Variants in PTPN4 observed in about 807,000 individuals in gnomAD.
The protein encoded by PTPN4 is protein tyrosine phosphatase non-receptor type 4.
PTPN4 carries 49 observed loss-of-function variants against 135.5 expected under a neutral mutation model. That is an observed-to-expected ratio of 0.36 (90% confidence interval 0.29 to 0.46). The LOEUF (loss-of-function observed/expected upper bound fraction) is 0.46, where lower values mean the gene tolerates loss of function less well. PTPN4 is among the 20% of genes least tolerant of loss of function. The pLI, the probability that PTPN4 is intolerant of heterozygous loss-of-function variation, is 1.00. For missense variants in PTPN4, 860 were observed against 1,101.0 expected (o/e 0.78, Z 3.10); for synonymous variants, 333 against 369.9 (o/e 0.90, Z 1.14).
At chr2:119,923,987 A>T (rs1003633099) in intron 12 of PTPN4, among the ~76,000 whole-genome samples, 5 of 152,082 alleles carry the variant, frequency 3.3e-5, no homozygotes, top group African/African-American at 4.8e-5. Flanking sequence ...AATACAAAAA[A>T]TTAGCCGGGC....
At chr2:119,870,756 AT>A (rs1677898659) in intron 3 of PTPN4, among the ~76,000 whole-genome samples, 1 of 152,214 alleles carries the variant, frequency 6.6e-6, no homozygotes. Context: ...ATGTATTTAG[AT>A]TCCTAACAGA....
chr2:119,890,882 G>GT (rs1253547123), intron 9 of PTPN4, among the ~76,000 whole-genome samples: 2 of 152,068 alleles, frequency 1.3e-5, no homozygotes, highest in Non-Finnish European at 2.9e-5. Flanking sequence ...GGAGTGGCAG[G>GT]TTTTTTCTTT....
intron 2 of PTPN4, among the ~76,000 whole-genome samples, chr2:119,853,367 C>T (rs1203292131): frequency 1.3e-5 from 2 of 151,906 alleles, no homozygotes; most frequent in African/African-American, 2.4e-5. Context: ...ACTTTTTCTG[C>T]TCTTCTTAGA....
At position 119,868,582 on chromosome 2, in the gene PTPN4, G is replaced by A. The variant is rs941104703; in HGVS notation, c.246+5939G>A. ...CACGTTGGAAGGTTGTGGGTTTACC[G>A]GAATGAGGGCAAGGAACACCTGGCC... On this transcript the variant is annotated intron_variant, in intron 3 of 26. Transcript: ENST00000263708. Among the ~76,000 whole-genome samples the A allele has an allele frequency of 1.4e-4, 21 of 152,274 alleles. No homozygotes were observed. In the East Asian group the frequency reaches 2.5e-3, roughly 18 times the overall value.
At chr2:119,794,180 G>T (rs1448354408) in intron 1 of PTPN4, among the ~76,000 whole-genome samples, 1 of 152,048 alleles carries the variant, frequency 6.6e-6, no homozygotes, top group Non-Finnish European at 1.5e-5. Context: ...TTGAGGTAAA[G>T]TAGCATATAA....
At chr2:119,844,421 T>C (rs1281126478) in intron 2 of PTPN4, among the ~76,000 whole-genome samples, 22 of 130,598 alleles carry the variant, frequency 1.7e-4, no homozygotes, top group African/African-American at 5.8e-4. Flanking sequence ...CCAGATGGGG[T>C]GGCTGCTGGG....
chr2:119,796,216 G>T (rs1691256241), intron 1 of PTPN4, among the ~76,000 whole-genome samples: 1 of 152,208 alleles, frequency 6.6e-6, no homozygotes, highest in South Asian at 2.1e-4. Flanking sequence ...GGCAGTGGCT[G>T]TTCTGGATGG....
chr2:119,901,114 T>C (rs1678397475), intron 10 of PTPN4, among the ~76,000 whole-genome samples: 1 of 152,214 alleles, frequency 6.6e-6, no homozygotes, highest in Non-Finnish European at 1.5e-5. Context: ...ATCTAACCAA[T>C]ATGGGTTTTA....
intron 13 of PTPN4, among the ~76,000 whole-genome samples, chr2:119,931,403 A>G (rs1024000985): frequency 2.0e-5 from 3 of 150,106 alleles, no homozygotes; most frequent in Non-Finnish European, 4.4e-5. Flanking sequence ...ATCTGAATGA[A>G]TCAATATGAA....
chr2:119,943,985 A>T (rs1162736063), intron 15 of PTPN4, among the ~76,000 whole-genome samples: 1 of 152,118 alleles, frequency 6.6e-6, no homozygotes, highest in East Asian at 1.9e-4. Flanking sequence ...GCCAGGCCTA[A>T]TGTCAGTGGG....
At chr2:119,784,958 C>T (rs2860856) in intron 1 of PTPN4, among the ~76,000 whole-genome samples, 148,097 of 152,066 alleles carry the variant, frequency 0.97, 72,236 homozygotes, top group East Asian at 1. Context: ...TTTTATGATA[C>T]TGAGGAGGAA....
In PTPN4 at chr2:119,868,739, C is replaced by T. The variant is rs565502315; in HGVS notation, c.246+6096C>T. On this transcript the variant is annotated intron_variant, in intron 3 of 26. Transcript: ENST00000263708. ...ATTCCTTTAATTCGGCCCATCCCTT[C>T]GTTTCCCATAAGGGATACTTTTAGT... 4.4e-4 allele frequency among the ~76,000 whole-genome samples: 67 copies of T among 152,174 alleles called. 2 individuals are homozygous for T. The highest frequency in any genetic ancestry group is 1.3e-3 in the African/African-American group (54 of 41,438).
At chr2:119,925,533 A>G (rs1030867106) in intron 12 of PTPN4, among the ~76,000 whole-genome samples, 9 of 152,208 alleles carry the variant, frequency 5.9e-5, no homozygotes, top group African/African-American at 2.2e-4. Context: ...TTTAAAACTT[A>G]TCCAAAGCAC....
At chr2:119,963,491 C>G (rs945298110) in intron 24 of PTPN4, among the ~76,000 whole-genome samples, 2 of 152,196 alleles carry the variant, frequency 1.3e-5, no homozygotes, top group Non-Finnish European at 1.5e-5. Context: ...ATAGCCCAAG[C>G]TATGAGTGCC....
chr2:119,864,650 T>C (rs1056284447), intron 3 of PTPN4, among the ~76,000 whole-genome samples: 1 of 152,030 alleles, frequency 6.6e-6, no homozygotes, highest in Non-Finnish European at 1.5e-5. Flanking sequence ...AGGATTAATA[T>C]CGAGATCATG....
At chr2:119,934,201 CTG>C (rs1292225404) in intron 14 of PTPN4, among the ~76,000 whole-genome samples, 1 of 152,168 alleles carries the variant, frequency 6.6e-6, no homozygotes, top group South Asian at 2.1e-4. Flanking sequence ...AAGTTAATCT[CTG>C]TCTCATTTTT....
At chr2:119,937,972 G>A (rs1054203704) in intron 15 of PTPN4, among the ~76,000 whole-genome samples, 11 of 151,518 alleles carry the variant, frequency 7.3e-5, no homozygotes, top group Admixed American at 6.6e-5. Flanking sequence ...AAAAAAAAAG[G>A]TCAGAGTTTA....
At chr2:119,787,816 C>CA (rs1691073286) in intron 1 of PTPN4, among the ~76,000 whole-genome samples, 1 of 152,102 alleles carries the variant, frequency 6.6e-6, no homozygotes. Flanking sequence ...TGGTTGAAAG[C>CA]ATCAGGTATG....
At chr2:119,910,980 T>A (rs1678562989) in intron 10 of PTPN4, among the ~76,000 whole-genome samples, 1 of 152,070 alleles carries the variant, frequency 6.6e-6, no homozygotes, top group Non-Finnish European at 1.5e-5. Context: ...AAAAATGACC[T>A]GAGAAGAAAA....
Sources: gnomAD v4.1 joint callset for allele counts (sites outside exome capture counted in the v4.1 genomes callset) on GRCh38, gnomAD v4.1.1 for gene constraint, MANE v1.5 for transcripts, NCBI Gene and HGNC (gene_info 2026-07-23, HGNC 2026-07-21) for gene names.